ZNF800: variants seen among roughly 807,000 people sequenced by gnomAD.
ZNF800 encodes the protein zinc finger protein 800.
ZNF800 carries 13 observed loss-of-function variants against 59.5 expected under a neutral mutation model. The observed-to-expected ratio is 0.22, with a 90% CI of 0.14 to 0.35. The LOEUF is 0.35. ZNF800 is among the 10% of genes least tolerant of loss of function. ZNF800 has a pLI of 1.00. For missense variants in ZNF800, 621 were observed against 783.7 expected (o/e 0.79, Z 2.48); for synonymous variants, 266 against 265.7 (o/e 1.00, Z -0.01).
chr7:127,381,541 T>G (rs542794319), intron 3 of ZNF800, among the ~76,000 whole-genome samples: 2 of 152,146 alleles, frequency 1.3e-5, no homozygotes, highest in African/African-American at 4.8e-5. Context: ...ATCTTTTAGT[T>G]TAATCTAACA....
chr7:127,369,841 T>C (rs553045229), downstream of ZNF800, among the ~76,000 whole-genome samples: 55 of 151,996 alleles, frequency 3.6e-4, no homozygotes, highest in Non-Finnish European at 6.0e-4. Flanking sequence ...CCTCCTCCAA[T>C]ATCAATTTTT....
intron 1 of ZNF800, among the ~76,000 whole-genome samples, chr7:127,348,628 C>A (rs547264347): frequency 5.3e-5 from 8 of 152,200 alleles, no homozygotes; most frequent in African/African-American, 1.7e-4. Flanking sequence ...TGTATACTTA[C>A]GTGTACATGT....
chr7:127,346,372 G>A (rs1222494260), downstream of ZNF800, among the ~76,000 whole-genome samples: 1 of 152,210 alleles, frequency 6.6e-6, no homozygotes, highest in African/African-American at 2.4e-5. Flanking sequence ...TGGCTGAACT[G>A]TGTACTTTTC....
intron 2 of ZNF800, among the ~76,000 whole-genome samples, chr7:127,391,025 C>T (rs1801295320): frequency 6.6e-6 from 1 of 152,204 alleles, no homozygotes; most frequent in Non-Finnish European, 1.5e-5. Context: ...ACCTGATTCT[C>T]CCAATGAGTT....
intron 1 of ZNF800, among the ~76,000 whole-genome samples, chr7:127,353,926 T>C (rs1365049378): frequency 1.3e-5 from 2 of 152,066 alleles, no homozygotes; most frequent in Non-Finnish European, 2.9e-5. Context: ...GATAAAAATA[T>C]ATAGTTACAA....
At chr7:127,351,921 C>A (rs1476954462) in intron 1 of ZNF800, among the ~76,000 whole-genome samples, 2 of 152,190 alleles carry the variant, frequency 1.3e-5, no homozygotes, top group East Asian at 1.9e-4. Flanking sequence ...TGAGCAGCAA[C>A]TTCAAGATCA....
intron 2 of ZNF800, among the ~76,000 whole-genome samples, chr7:127,389,458 A>G (rs1290090461): frequency 6.6e-6 from 1 of 152,240 alleles, no homozygotes; most frequent in Non-Finnish European, 1.5e-5. Flanking sequence ...CCCAGTATTC[A>G]TAATCCAAAT....
At chr7:127,369,061 T>C (rs1800573422), downstream of ZNF800, among the ~76,000 whole-genome samples, 1 of 151,338 alleles carries the variant, frequency 6.6e-6, no homozygotes, top group Admixed American at 6.6e-5. Flanking sequence ...AAATGGTTGT[T>C]GTGTATTCAA....
At chr7:127,387,785 C>G (rs996038337) in intron 2 of ZNF800, among the ~76,000 whole-genome samples, 2 of 151,984 alleles carry the variant, frequency 1.3e-5, no homozygotes, top group African/African-American at 4.8e-5. Flanking sequence ...CGTTTGAGCC[C>G]GGGAGGCAGA....
intron 3 of ZNF800, among the ~76,000 whole-genome samples, chr7:127,380,575 A>G (rs1800946956): frequency 6.6e-6 from 1 of 152,160 alleles, no homozygotes; most frequent in South Asian, 2.1e-4. Context: ...GCTTTCTTCA[A>G]AGTCAGCTAC....
chr7:127,355,012 GAT>G (rs1800241435), intron 1 of ZNF800, among the ~76,000 whole-genome samples: 4 of 152,140 alleles, frequency 2.6e-5, no homozygotes, highest in African/African-American at 9.6e-5. Flanking sequence ...TTGCTTCTGA[GAT>G]ACACACTCTC....
chr7:127,379,184 C>A (rs1156467706), intron 3 of ZNF800, among the ~76,000 whole-genome samples: 5 of 152,100 alleles, frequency 3.3e-5, no homozygotes, highest in African/African-American at 4.8e-5. Context: ...AAGTCCATTT[C>A]ACATTACAAA....
At chr7:127,355,586 G>A (rs1800255078) in intron 1 of ZNF800, among the ~76,000 whole-genome samples, 1 of 152,056 alleles carries the variant, frequency 6.6e-6, no homozygotes. Context: ...GCAAAGTGGT[G>A]GTGGTAGCAT....
chr7:127,389,550 T>C (rs1297364087), intron 2 of ZNF800, among the ~76,000 whole-genome samples: 1 of 152,202 alleles, frequency 6.6e-6, no homozygotes, highest in Non-Finnish European at 1.5e-5. Flanking sequence ...CACTACAACA[T>C]ATTTCTTTCA....
chr7:127,344,412 G>A (rs769156141), downstream of ZNF800, among the ~76,000 whole-genome samples: 25 of 152,030 alleles, frequency 1.6e-4, no homozygotes, highest in Admixed American at 1.6e-3. Context: ...TCCTGAATAA[G>A]AAATTTAATA....
chr7:127,390,094 AAATG>A (rs1224112524), intron 2 of ZNF800, among the ~76,000 whole-genome samples: 9 of 152,326 alleles, frequency 5.9e-5, no homozygotes, highest in South Asian at 4.1e-4. Flanking sequence ...TTTGTTAAAG[AAATG>A]AATGATCAAT....
intron 1 of ZNF800, among the ~76,000 whole-genome samples, chr7:127,358,386 TCTTA>T (rs1345099207): frequency 3.3e-5 from 5 of 152,108 alleles, no homozygotes; most frequent in Non-Finnish European, 5.9e-5. Flanking sequence ...GTCCTATCAC[TCTTA>T]CTTAGACTTC....
Position 127,374,990 on chromosome 7 carries a change from G to C in ZNF800, c.346C>G (p.Leu116Val), listed in dbSNP as rs764886086. The C allele has an allele frequency of 1.9e-6, 3 of 1,601,994 alleles. No homozygotes were observed. In the South Asian group the frequency reaches 3.3e-5, roughly 18 times the overall value. Residue 116 changes from leucine (L) to valine (V), a missense_variant, in exon 5 of 6, where the codon CTC (leucine) becomes GTC (valine). Physicochemically the swap from Leu to Val is conservative, Grantham distance 32. Coordinates refer to ENST00000265827, the MANE Select transcript of ZNF800 (RefSeq NM_176814.5). ...NDKQSQAIND[L>V]LEAIYPSVDK... ...ACACTTGGATATATGGCTTCTAGGA[G>C]ATCATTTATGGCTTGGCTTTGTTTA...
intron 3 of ZNF800, among the ~76,000 whole-genome samples, chr7:127,379,285 A>G (rs1800883650): frequency 6.6e-6 from 1 of 152,214 alleles, no homozygotes; most frequent in Non-Finnish European, 1.5e-5. Context: ...ATTTTAAAAA[A>G]TGCTTTGGCT....
Sources: gnomAD v4.1 joint callset for allele counts (sites outside exome capture counted in the v4.1 genomes callset) on GRCh38, gnomAD v4.1.1 for gene constraint, MANE v1.5 for transcripts, NCBI Gene and HGNC (gene_info 2026-07-23, HGNC 2026-07-21) for gene names.